The following NHEJ1 variants were observed in gnomAD, a reference collection of about 807,000 sequenced individuals.
The protein encoded by NHEJ1 is non-homologous end joining factor 1.
A neutral mutation model predicts 39.4 loss-of-function variants in NHEJ1; 22 were observed. That is an observed-to-expected ratio of 0.56 (90% CI 0.40 to 0.80). The LOEUF (loss-of-function observed/expected upper bound fraction) is 0.80. Ranked by LOEUF, NHEJ1 falls within the 30% of genes least tolerant of loss-of-function variation. NHEJ1 has a pLI of 0.00. For missense variants in NHEJ1, 329 were observed against 357.1 expected (o/e 0.92, Z 0.63); for synonymous variants, 154 against 135.6 (o/e 1.14, Z -0.94).
intron 5 of NHEJ1, among the ~76,000 whole-genome samples, chr2:219,104,406 A>C (rs1391108217): frequency 1.3e-5 from 2 of 152,238 alleles, no homozygotes; most frequent in African/African-American, 4.8e-5. Flanking sequence ...CAGTGAGATC[A>C]GCACACATGA....
intron 5 of NHEJ1, among the ~76,000 whole-genome samples, chr2:219,102,049 T>C (rs1389415081): frequency 1.3e-5 from 2 of 152,238 alleles, no homozygotes; most frequent in Non-Finnish European, 2.9e-5. Context: ...GGCTTCATTG[T>C]ATTATATTAT....
At position 219,072,793 on chromosome 2, in the gene NHEJ1, G is replaced by A. The variant is rs1033959581; in HGVS notation, c.*3588C>T. On this transcript the variant is annotated 3_prime_UTR_variant, in exon 8 of 8. Coordinates refer to ENST00000356853, the MANE Select transcript of NHEJ1 (RefSeq NM_024782.3). ...AGGCTTACTCTATACTCTCTGGAGC[G>A]AATCTGTGTAGTTTTGTAAGTAGGA... Among the ~76,000 whole-genome samples, 1 of 152,184 alleles carries A rather than the reference G, an allele frequency of 6.6e-6. No homozygotes were observed. Among genetic ancestry groups the A allele is most frequent in the Non-Finnish European group, 1.5e-5 (1 of 68,034 alleles).
At chr2:219,087,666 C>T (rs544940706) in intron 5 of NHEJ1, among the ~76,000 whole-genome samples, 2 of 152,116 alleles carry the variant, frequency 1.3e-5, no homozygotes, top group Admixed American at 6.5e-5. Context: ...CCACCTCCCC[C>T]ACCTGCCACA....
At chr2:219,086,588 T>C (rs1390983997) in intron 5 of NHEJ1, among the ~76,000 whole-genome samples, 2 of 152,178 alleles carry the variant, frequency 1.3e-5, no homozygotes, top group Admixed American at 1.3e-4. Flanking sequence ...CCTCCAAGTA[T>C]AGTGGAAAAT....
At chr2:219,080,692 T>TTTATATATGCTA (rs1491176182) in intron 5 of NHEJ1, among the ~76,000 whole-genome samples, 5 of 34,648 alleles carry the variant, frequency 1.4e-4, no homozygotes, top group African/African-American at 4.5e-4. Flanking sequence ...TATATATGCT[T>TTTATATATGCTA]ATATATATAT....
In NHEJ1 at chr2:219,111,375, C is replaced by A. The variant is rs1949363988; in HGVS notation, c.589-33169G>T. ...ATGGTACAGCTTTTAAAAGAGGGGA[C>A]CAGCTCTCAAATCCTGCATTCTAGA... On this transcript the variant is annotated intron_variant, in intron 5 of 7. Coordinates refer to ENST00000356853, the MANE Select transcript of NHEJ1 (RefSeq NM_024782.3). This position sits in a 1 kb window ranked among gnomAD's most constrained non-coding sequence, Gnocchi z 4.1. 6.6e-6 allele frequency among the ~76,000 whole-genome samples: 1 copy of A among 152,096 alleles called. No homozygotes were observed. Among genetic ancestry groups the A allele is most frequent in the African/African-American group, 2.4e-5 (1 of 41,404 alleles).
Position 219,069,995 on chromosome 2 carries a change from G to GA in NHEJ1, c.*6385dup, listed in dbSNP as rs1345951886. On this transcript the variant is annotated 3_prime_UTR_variant, in exon 8 of 8. Transcript: ENST00000356853. ...GAAATCCACATTCAACAAGAAACAG[G>GA]AATCATTAAACATGCATTAACTCAA... Among the ~76,000 whole-genome samples, 1 of 152,146 alleles carries GA rather than the reference G, an allele frequency of 6.6e-6. No individual in the cohort carries two copies. Among genetic ancestry groups the GA allele is most frequent in the Non-Finnish European group, 1.5e-5 (1 of 68,034 alleles).
intron 5 of NHEJ1, among the ~76,000 whole-genome samples, chr2:219,123,311 A>G (rs1248002445): frequency 6.6e-6 from 1 of 152,230 alleles, no homozygotes; most frequent in Non-Finnish European, 1.5e-5. Context: ...ATACCCTCCC[A>G]TGAGACTAGT....
chr2:219,087,218 C>T lies in NHEJ1; in HGVS notation c.589-9012G>A, dbSNP rs142459233. Among the ~76,000 whole-genome samples the T allele has an allele frequency of 4.5e-4, 69 of 152,290 alleles. No homozygotes were observed. The East Asian group carries it at 0.012, about 26-fold the overall frequency. ...TCTCAAATTCAGCCACCTCAACATC[C>T]TCTTCCCAAATGGAAGTGAAACAAT... On this transcript the variant is annotated intron_variant, in intron 5 of 7. Coordinates refer to ENST00000356853, the MANE Select transcript of NHEJ1 (RefSeq NM_024782.3).
In NHEJ1 at chr2:219,160,794, C is replaced by T. The variant is rs1237592742; in HGVS notation, c.-75G>A. The T allele has an allele frequency of 6.6e-6, 1 of 152,492 alleles. No homozygotes were observed. Among genetic ancestry groups the T allele is most frequent in the Non-Finnish European group, 1.5e-5 (1 of 68,228 alleles). 9.4% of individuals were successfully genotyped at this position (152,492 alleles called of 1,614,324 possible). A position where few individuals can be genotyped will look rare whatever the true frequency, so the allele number is the denominator to read the frequency against. On this transcript the variant is annotated 5_prime_UTR_variant, in exon 1 of 8. Transcript: ENST00000356853. The stretch of plus-strand genomic sequence containing the variant: ...CTGCCCGCTCGCGCAAACCGAAAGG[C>T]CTAGAGTAAGAGGCCGCTTTCCCCC...
chr2:219,159,514 T>TATATATATATGCATATATATATATGC (rs1559206016), intron 1 of NHEJ1, among the ~76,000 whole-genome samples: 3 of 43,978 alleles, frequency 6.8e-5, no homozygotes, highest in African/African-American at 1.9e-4. Flanking sequence ...GACATAACTT[T>TATATATATATGCATATATATATATGC]ATATATATAT....
chr2:219,140,530 C>T (rs1268188068), intron 5 of NHEJ1, among the ~76,000 whole-genome samples: 2 of 152,082 alleles, frequency 1.3e-5, no homozygotes, highest in African/African-American at 4.8e-5. Flanking sequence ...AAGGTAAAGC[C>T]AACAGGATTT....
chr2:219,077,463 G>C, intron 6 of NHEJ1, 99 bp from the exon 7 acceptor site: 1 of 950,076 alleles, frequency 1.1e-6, no homozygotes, highest in Non-Finnish European at 1.7e-6. Context: ...GCCAGGGTTT[G>C]GTACAAATAT....
intron 3 of NHEJ1, among the ~76,000 whole-genome samples, chr2:219,155,644 C>T (rs1255858523): frequency 6.6e-6 from 1 of 152,106 alleles, no homozygotes; most frequent in Non-Finnish European, 1.5e-5. Context: ...ACATCAGGGC[C>T]GGGCGCAGTG....
chr2:219,151,510 T>C (rs1949795012), intron 3 of NHEJ1, among the ~76,000 whole-genome samples: 1 of 152,234 alleles, frequency 6.6e-6, no homozygotes, highest in South Asian at 2.1e-4. Flanking sequence ...AGTTTTTTTA[T>C]CAGTAAATAT....
intron 3 of NHEJ1, among the ~76,000 whole-genome samples, chr2:219,149,957 C>T (rs1040520655): frequency 3.9e-5 from 6 of 152,200 alleles, no homozygotes; most frequent in African/African-American, 1.4e-4. Context: ...AGTATGCCAA[C>T]CCCTGTCCTA....
At chr2:219,118,596 GCTGTGT>G in intron 5 of NHEJ1, among the ~76,000 whole-genome samples, 2 of 152,312 alleles carry the variant, frequency 1.3e-5, no homozygotes, top group Middle Eastern at 3.4e-3. Context: ...CTCTGTGATG[GCTGTGT>G]CTGTAAAGCG....
At chr2:219,155,910 G>A (rs1391172296) in intron 3 of NHEJ1, among the ~76,000 whole-genome samples, 3 of 149,232 alleles carry the variant, frequency 2.0e-5, no homozygotes, top group African/African-American at 7.4e-5. Flanking sequence ...GGGCGAGAGC[G>A]AGACTCCGTC....
At chr2:219,154,505 C>T (rs1470257285) in intron 3 of NHEJ1, among the ~76,000 whole-genome samples, 1 of 152,092 alleles carries the variant, frequency 6.6e-6, no homozygotes, top group Non-Finnish European at 1.5e-5. Flanking sequence ...AAAACGATCA[C>T]AAGAATGAGT....
Sources: allele counts gnomAD v4.1 joint callset (sites outside exome capture counted in the v4.1 genomes callset), GRCh38; gene constraint gnomAD v4.1.1; non-coding constraint Gnocchi (gnomAD v3.1); transcripts MANE v1.5; gene names NCBI Gene and HGNC (gene_info 2026-07-23, HGNC 2026-07-21).